The following TRPM8 variants were observed in gnomAD, a reference collection of about 807,000 sequenced individuals.
TRPM8 encodes TRPM8 cationic channel.
Under a neutral mutation model 133.7 loss-of-function variants are expected in TRPM8, and 110 were observed. The observed-to-expected ratio is 0.82, with a 90% CI of 0.70 to 0.96. The LOEUF is 0.96. Ranked by LOEUF, TRPM8 falls within the 40% of genes least tolerant of loss-of-function variation. TRPM8 has a pLI of 0.00. For missense variants in TRPM8, 1,291 were observed against 1,379.5 expected (o/e 0.94, Z 1.02); for synonymous variants, 535 against 532.3 (o/e 1.01, Z -0.07).
rs1337987216 is a variant in TRPM8, at chr2:233,927,771, T to TTCCTTCC, written c.117+1118_117+1119insCCTTCCT. On this transcript the variant is annotated intron_variant, in intron 2 of 25. Coordinates refer to ENST00000324695, the MANE Select transcript of TRPM8 (RefSeq NM_024080.5). ...CTTTCTTTCTTTCTTTCTTTCTTTCTTTCTTTCTTTCTTTCTTTCTTTTCT... is the reference window on the plus strand; with the variant it reads ...CTTTCTTTCTTTCTTTCTTTCTTTCTTCCTTCCTTCTTTCTTTCTTTCTTTCTTTTCT... 3.6e-4 allele frequency among the ~76,000 whole-genome samples: 22 copies of TTCCTTCC among 61,660 alleles called. 1 individual carries two copies. The African/African-American group carries it at 4.2e-3, about 12-fold the overall frequency. 40.5% of individuals were successfully genotyped at this position (61,660 alleles called of 152,430 possible).
chr2:233,955,802 C>A (rs1203446269), intron 11 of TRPM8, among the ~76,000 whole-genome samples: 3 of 152,152 alleles, frequency 2.0e-5, no homozygotes, highest in African/African-American at 4.8e-5. Flanking sequence ...AGGAAGTGAG[C>A]AGTGGGCGAG....
chr2:234,017,197 T>G (rs1692976564), intron 25 of TRPM8, 102 bp from the exon 26 acceptor site: 2 of 408,600 alleles, frequency 4.9e-6, no homozygotes, highest in Admixed American at 6.0e-5. Flanking sequence ...TTGGATCTAT[T>G]CCCAGTATAT....
At chr2:233,979,655 A>G (rs1184814039) in intron 17 of TRPM8, among the ~76,000 whole-genome samples, 1 of 152,190 alleles carries the variant, frequency 6.6e-6, no homozygotes, top group African/African-American at 2.4e-5. Context: ...TGTTCCTGTC[A>G]GTCCTTTCTG....
intron 21 of TRPM8, among the ~76,000 whole-genome samples, chr2:233,994,356 C>G (rs28902225): frequency 0.032 from 4,900 of 152,298 alleles, 151 homozygotes; most frequent in African/African-American, 0.077. Flanking sequence ...ATTTGACTGG[C>G]TGCACTATAA....
intron 15 of TRPM8, among the ~76,000 whole-genome samples, chr2:233,968,904 TC>T (rs1691640437): frequency 6.6e-6 from 1 of 152,048 alleles, no homozygotes; most frequent in African/African-American, 2.4e-5. Context: ...TGAATTGATG[TC>T]AAGACATCAA....
rs751637655 is a variant in TRPM8 at position 233,981,902 on chromosome 2, T to C, written c.2576T>C (p.Met859Thr). The change falls in exon 19 of 26, where the codon ATG (methionine) becomes ACG (threonine). Residue 859 changes from methionine to threonine, a missense_variant. Around this residue, in one of 2 missense-constraint regions of TRPM8, gnomAD observed 328 missense variants for 410.6 expected, o/e 0.80. Transcript: ENST00000324695. ...AGAAACTTAGGACCCAAGATTATAA[T>C]GCTGCAGAGGATGGTAAGAGTCAAG... ...VSRNLGPKII[M>T]LQRMLIDVFF... 3.1e-6 allele frequency: 5 copies of C among 1,611,426 alleles called. No homozygotes were observed. Among genetic ancestry groups the C allele is most frequent in the East Asian group, 2.2e-5 (1 of 44,838 alleles).
Position 233,946,019 on chromosome 2 carries a change from G to A in TRPM8, c.863G>A (p.Arg288His), listed in dbSNP as rs756920236. The A allele has an allele frequency of 2.7e-5, 43 of 1,613,890 alleles. 1 individual carries two copies. The highest frequency in any genetic ancestry group is 3.2e-5 in the Non-Finnish European group (38 of 1,179,934). Residue 288 changes from arginine to histidine, a missense_variant, in exon 7 of 26, where the codon CGC (arginine) becomes CAC (histidine). Transcript: ENST00000324695. The part of the protein sequence containing the change: ...RNQLEKYISE[R>H]TIQDSNYGGK... ...CAGCTAGAGAAGTATATCTCTGAGC[G>A]CACTATTCAAGGTCAGTGGTTAGGA...
At chr2:233,931,042 G>A (rs2125055265) in intron 3 of TRPM8, among the ~76,000 whole-genome samples, 1 of 152,330 alleles carries the variant, frequency 6.6e-6, no homozygotes, top group South Asian at 2.1e-4. Flanking sequence ...GGTAATGAAA[G>A]TTGTTTTACA....
chr2:234,001,005 T>C (rs558947500), intron 22 of TRPM8, among the ~76,000 whole-genome samples: 3 of 152,332 alleles, frequency 2.0e-5, no homozygotes, highest in South Asian at 2.1e-4. Context: ...ATAGTAGGTT[T>C]AATGAAGAGT....
At chr2:233,946,572 G>A (rs1352514167) in intron 7 of TRPM8, among the ~76,000 whole-genome samples, 1 of 152,204 alleles carries the variant, frequency 6.6e-6, no homozygotes, top group African/African-American at 2.4e-5. Flanking sequence ...GTATTGAGAT[G>A]TGTCCTGCTG....
intron 17 of TRPM8, among the ~76,000 whole-genome samples, chr2:233,972,795 A>T (rs376025316): frequency 9.2e-5 from 14 of 152,066 alleles, no homozygotes; most frequent in East Asian, 7.8e-4. Context: ...CCCACCCGGA[A>T]CTCCATCTGG....
chr2:233,957,366 G>A (rs745428018), intron 11 of TRPM8, among the ~76,000 whole-genome samples: 13 of 151,734 alleles, frequency 8.6e-5, no homozygotes, highest in Non-Finnish European at 8.8e-5. Context: ...GCACATACCC[G>A]TAGTCCAGGC....
intron 5 of TRPM8, 138 bp from the exon 6 acceptor site, chr2:233,942,438 C>T (rs1690932647): frequency 2.5e-6 from 2 of 810,968 alleles, no homozygotes; most frequent in South Asian, 1.6e-5. Context: ...CCCTCTCCTT[C>T]CTTGCCATAC....
At chr2:233,975,521 C>T (rs1559537435) in intron 17 of TRPM8, among the ~76,000 whole-genome samples, 1 of 152,366 alleles carries the variant, frequency 6.6e-6, no homozygotes, top group East Asian at 1.9e-4. Context: ...CCCTGCCTCC[C>T]TTGCTGCATT....
rs771683795 is a variant in TRPM8 at position 234,017,862 on chromosome 2, G to C, written c.*606G>C. 1 of 153,040 alleles carries C rather than the reference G, an allele frequency of 6.5e-6. No homozygotes were observed. Among genetic ancestry groups the C allele is most frequent in the Non-Finnish European group, 1.5e-5 (1 of 68,764 alleles). The allele number at this position is 153,040 out of a possible 1,614,324, so 9.5% of individuals were successfully genotyped here. On this transcript the variant is annotated 3_prime_UTR_variant, in exon 26 of 26. Transcript: ENST00000324695. ...AGAGGAGGTGACAAGGCAGTCTCTTGCTCTCTTGGACTCACCAGGCTCCTA... is the reference window on the plus strand; with the variant it reads ...AGAGGAGGTGACAAGGCAGTCTCTTCCTCTCTTGGACTCACCAGGCTCCTA...
At chr2:233,953,245 G>GT (rs1474158137) in intron 9 of TRPM8, among the ~76,000 whole-genome samples, 2 of 152,212 alleles carry the variant, frequency 1.3e-5, no homozygotes, top group African/African-American at 4.8e-5. Flanking sequence ...AGCCTCTGCA[G>GT]TTCCAGATCC....
chr2:233,954,999 T>C, intron 10 of TRPM8, 133 bp from the exon 11 acceptor site: 1 of 652,668 alleles, frequency 1.5e-6, no homozygotes, highest in Non-Finnish European at 2.8e-6. Context: ...AATGACAGTT[T>C]GAGTGTCTGA....
At chr2:234,005,673 G>T (rs1176011458) in intron 22 of TRPM8, among the ~76,000 whole-genome samples, 2 of 152,256 alleles carry the variant, frequency 1.3e-5, no homozygotes, top group Non-Finnish European at 2.9e-5. Flanking sequence ...AACTTTGGGA[G>T]GCCGAGGCAG....
chr2:233,993,589 T>A (rs1397159823), intron 21 of TRPM8, among the ~76,000 whole-genome samples: 1 of 152,220 alleles, frequency 6.6e-6, no homozygotes, highest in African/African-American at 2.4e-5. Flanking sequence ...GGGGCTTGGC[T>A]TGGTCCCAAG....
Sources: gnomAD v4.1 joint callset for allele counts (sites outside exome capture counted in the v4.1 genomes callset) on GRCh38, gnomAD v4.1.1 for gene constraint, gnomAD v4.1.1 regional missense constraint, MANE v1.5 for transcripts, NCBI Gene and HGNC (gene_info 2026-07-23, HGNC 2026-07-21) for gene names.